GALNT14: variants seen among roughly 807,000 people sequenced by gnomAD.
GALNT14 encodes polypeptide N-acetylgalactosaminyltransferase 14, also known as UDP-GalNAc:polypeptide N-acetylgalactosaminyltransferase 14.
GALNT14 carries 60 observed loss-of-function variants against 77.5 expected under a neutral mutation model. The ratio of observed to expected loss-of-function variants is 0.77; its 90% CI spans 0.63 to 0.96. GALNT14 has a LOEUF of 0.96. GALNT14 is among the 40% of genes least tolerant of loss of function. GALNT14 has a pLI of 0.00. For synonymous variants in GALNT14, 280 were observed against 281.7 expected, an observed-to-expected ratio of 0.99 and a Z score of 0.06; for missense variants, 710 against 731.0, an observed-to-expected ratio of 0.97 and a Z score of 0.33.
intron 1 of GALNT14, among the ~76,000 whole-genome samples, chr2:31,110,573 G>A (rs1012029665): frequency 7.2e-5 from 11 of 152,162 alleles, no homozygotes; most frequent in African/African-American, 2.4e-4. Context: ...GCAAATGGGC[G>A]AGATGTCAGC....
intron 1 of GALNT14, among the ~76,000 whole-genome samples, chr2:31,058,988 T>C (rs1439013178): frequency 6.6e-6 from 1 of 152,140 alleles, no homozygotes; most frequent in Non-Finnish European, 1.5e-5. Flanking sequence ...GCCCTTCCAC[T>C]GAGAAACAGA....
At chr2:31,066,407 G>A (rs984708665) in intron 1 of GALNT14, among the ~76,000 whole-genome samples, 4 of 151,516 alleles carry the variant, frequency 2.6e-5, no homozygotes, top group Non-Finnish European at 5.9e-5. Flanking sequence ...GAAAGGGTGC[G>A]GGGGCGGGGG....
chr2:31,134,025 C>G (rs945515119), intron 1 of GALNT14, among the ~76,000 whole-genome samples: 1 of 152,136 alleles, frequency 6.6e-6, no homozygotes, highest in Non-Finnish European at 1.5e-5. Flanking sequence ...GCACTGGGGC[C>G]CAGCGACCAG....
intron 1 of GALNT14, among the ~76,000 whole-genome samples, chr2:31,076,972 A>T (rs1437731785): frequency 6.6e-6 from 1 of 152,172 alleles, no homozygotes; most frequent in Non-Finnish European, 1.5e-5. Context: ...TCCATCCCTC[A>T]TGACAACAGC....
intron 1 of GALNT14, among the ~76,000 whole-genome samples, chr2:31,028,495 C>A (rs1009621296): frequency 1.3e-5 from 2 of 152,242 alleles, no homozygotes; most frequent in African/African-American, 4.8e-5. Context: ...CCACCAGGTC[C>A]GGTTAGCGGG....
intron 11 of GALNT14, among the ~76,000 whole-genome samples, chr2:30,927,725 G>C (rs138809561): frequency 1.2e-4 from 19 of 152,262 alleles, no homozygotes; most frequent in South Asian, 6.2e-4. Context: ...AGCGAAAGAG[G>C]GGGGTGGACT....
chr2:30,946,394 G>A (rs1573012777), intron 6 of GALNT14, among the ~76,000 whole-genome samples: 1 of 152,274 alleles, frequency 6.6e-6, no homozygotes, highest in East Asian at 1.9e-4. Context: ...CCTTGGTGCT[G>A]TTCTGGTGAT....
At chr2:30,916,501 T>C (rs1664686294) in intron 13 of GALNT14, among the ~76,000 whole-genome samples, 1 of 152,166 alleles carries the variant, frequency 6.6e-6, no homozygotes, top group Non-Finnish European at 1.5e-5. Context: ...TCCACTGGGA[T>C]AGGCCAGCTG....
intron 3 of GALNT14, among the ~76,000 whole-genome samples, chr2:30,962,474 G>C (rs890819469): frequency 3.3e-5 from 5 of 152,238 alleles, no homozygotes; most frequent in African/African-American, 1.2e-4. Flanking sequence ...CATGGGAGGG[G>C]TGGCGGTGAA....
chr2:30,972,194 G>A (rs1032838251), intron 2 of GALNT14, among the ~76,000 whole-genome samples: 1 of 152,236 alleles, frequency 6.6e-6, no homozygotes, highest in Non-Finnish European at 1.5e-5. Context: ...TGAAATGTCA[G>A]TGTCAAAGAG....
At chr2:30,895,948 T>C in the GALNT14 span, among the ~76,000 whole-genome samples, 1 of 152,174 alleles carries the variant, frequency 6.6e-6, no homozygotes, top group Non-Finnish European at 1.5e-5. Context: ...TGATGCCACG[T>C]CAATTGGGAG....
At position 31,138,247 on chromosome 2, in the gene GALNT14, C is replaced by G. The variant is rs1406974349; in HGVS notation, c.-161G>C. The G allele has an allele frequency of 2.3e-6, 2 of 870,450 alleles. No individual in the cohort carries two copies. The highest frequency in any genetic ancestry group is 3.5e-6 in the Non-Finnish European group (2 of 575,572). The allele number at this position is 870,450 out of a possible 1,614,324, so 53.9% of individuals were successfully genotyped here. A position where few individuals can be genotyped will look rare whatever the true frequency, so the allele number is the denominator to read the frequency against. Reference sequence around the variant, plus strand: ...GCAGGATCCTGCAAGGCGCCCTTCCCGCTTCGAAGAGAAGCGAGCCTGGGT... The same window carrying G: ...GCAGGATCCTGCAAGGCGCCCTTCCGGCTTCGAAGAGAAGCGAGCCTGGGT... On this transcript the variant is annotated 5_prime_UTR_variant, in exon 1 of 15. Transcript: ENST00000349752.
intron 1 of GALNT14, among the ~76,000 whole-genome samples, chr2:31,010,551 C>T (rs555662886): frequency 6.6e-6 from 1 of 152,262 alleles, no homozygotes; most frequent in Non-Finnish European, 1.5e-5. Flanking sequence ...GGAGGTGGAG[C>T]TTGCAGTGAG....
intron 2 of GALNT14, among the ~76,000 whole-genome samples, chr2:30,988,928 T>G: frequency 6.6e-6 from 1 of 152,192 alleles, no homozygotes; most frequent in East Asian, 1.9e-4. Flanking sequence ...TCCCTGCTAT[T>G]CAAAGTGTGA....
At chr2:31,137,883 C>G in intron 1 of GALNT14, 75 bp downstream of exon 1, 1 of 1,533,924 alleles carries the variant, frequency 6.5e-7, no homozygotes, top group Non-Finnish European at 8.8e-7. Flanking sequence ...CCCGGGAGCC[C>G]GCAAACCCGG....
chr2:31,015,161 G>A (rs954127781), intron 1 of GALNT14, among the ~76,000 whole-genome samples: 4 of 152,008 alleles, frequency 2.6e-5, no homozygotes, highest in Non-Finnish European at 5.9e-5. Flanking sequence ...GCATAGTGGT[G>A]CACTCCTGTA....
chr2:31,124,169 G>C (rs148032164), intron 1 of GALNT14, among the ~76,000 whole-genome samples: 2 of 152,298 alleles, frequency 1.3e-5, no homozygotes, highest in African/African-American at 4.8e-5. Context: ...CCCCATGCTT[G>C]ACAGGCACTC....
chr2:31,116,127 C>T (rs1678095183), intron 1 of GALNT14, among the ~76,000 whole-genome samples: 1 of 151,934 alleles, frequency 6.6e-6, no homozygotes, highest in African/African-American at 2.4e-5. Flanking sequence ...TAGAAATATG[C>T]CTTCGAATGT....
At chr2:31,118,952 C>G (rs1678250265) in intron 1 of GALNT14, among the ~76,000 whole-genome samples, 1 of 152,040 alleles carries the variant, frequency 6.6e-6, no homozygotes. Context: ...ACAAAGTGGT[C>G]TTTTAATTAG....
Sources: allele counts gnomAD v4.1 joint callset (sites outside exome capture counted in the v4.1 genomes callset), GRCh38; gene constraint gnomAD v4.1.1; transcripts MANE v1.5; gene names NCBI Gene and HGNC (gene_info 2026-07-23, HGNC 2026-07-21).